The following SERPINA5 variants were observed in gnomAD, a reference collection of about 807,000 sequenced individuals.
SERPINA5 encodes the protein serpin family A member 5.
A neutral mutation model predicts 25.3 loss-of-function variants in SERPINA5; 25 were observed. The ratio of observed to expected loss-of-function variants is 0.99; its 90% CI spans 0.72 to 1.38. The LOEUF (loss-of-function observed/expected upper bound fraction) is 1.38, where lower values mean the gene tolerates loss of function less well. Ranked by LOEUF, SERPINA5 falls within the 40% of genes most tolerant of loss-of-function variation. SERPINA5 has a pLI of 0.00. For missense variants in SERPINA5, 599 were observed against 509.5 expected (o/e 1.18, Z -1.69); for synonymous variants, 234 against 206.2 (o/e 1.14, Z -1.16).
chr14:94,583,613 C>A (rs745569834), intron 2 of SERPINA5, among the ~76,000 whole-genome samples: 3 of 152,208 alleles, frequency 2.0e-5, no homozygotes, highest in Admixed American at 6.5e-5. Context: ...GACTTCACTG[C>A]CCAACACGGG....
intron 2 of SERPINA5, 150 bp from the exon 3 acceptor site, chr14:94,587,196 C>A: frequency 2.8e-6 from 2 of 709,718 alleles, no homozygotes; most frequent in South Asian, 3.8e-5. Context: ...CCTGTGTAAA[C>A]CCTCATGCCC....
At chr14:94,583,971 C>G (rs12880862) in intron 2 of SERPINA5, among the ~76,000 whole-genome samples, 1 of 152,152 alleles carries the variant, frequency 6.6e-6, no homozygotes, top group Non-Finnish European at 1.5e-5. Flanking sequence ...AAAACAAGCA[C>G]TGAGGACTCC....
chr14:94,588,061 T>C, intron 3 of SERPINA5, 80 bp downstream of exon 3: 1 of 1,515,646 alleles, frequency 6.6e-7, no homozygotes, highest in African/African-American at 1.4e-5. Flanking sequence ...TTCCCTCACA[T>C]ACATAAAAGA....
chr14:94,583,986 C>A (rs1256866589), intron 2 of SERPINA5, among the ~76,000 whole-genome samples: 1 of 152,214 alleles, frequency 6.6e-6, no homozygotes, highest in Non-Finnish European at 1.5e-5. Context: ...GACTCCACTG[C>A]CTCTTGAGTG....
At chr14:94,588,874 G>GT (rs1341837295) in intron 3 of SERPINA5, among the ~76,000 whole-genome samples, 1 of 152,134 alleles carries the variant, frequency 6.6e-6, no homozygotes, top group Non-Finnish European at 1.5e-5. Flanking sequence ...GGTCTCTTTT[G>GT]TAAGGACACC....
At chr14:94,589,373 G>C (rs1047750492) in intron 3 of SERPINA5, among the ~76,000 whole-genome samples, 1 of 152,028 alleles carries the variant, frequency 6.6e-6, no homozygotes, top group Non-Finnish European at 1.5e-5. Context: ...ACTTGAACCT[G>C]GGAGGTGGGG....
At chr14:94,589,248 A>G (rs1885196502) in intron 3 of SERPINA5, among the ~76,000 whole-genome samples, 1 of 152,110 alleles carries the variant, frequency 6.6e-6, no homozygotes, top group African/African-American at 2.4e-5. Flanking sequence ...GGAGTTCGAG[A>G]TCAGCCTGGC....
chr14:94,592,534 A>G lies in SERPINA5; in HGVS notation c.*295A>G, dbSNP rs569696042. On this transcript the variant is annotated 3_prime_UTR_variant, in exon 6 of 6. Coordinates refer to ENST00000329597, the MANE Select transcript of SERPINA5 (RefSeq NM_000624.6). ...CAAGTTCACCAGCATGGTAGTGGCA[A>G]AGAGAGGTCCAGAGTCCTGGCCCTT... The G allele has an allele frequency of 6.2e-6, 2 of 323,242 alleles. No homozygotes were observed. The highest frequency in any genetic ancestry group is 9.0e-5 in the South Asian group (2 of 22,110). 20.0% of individuals were successfully genotyped at this position (323,242 alleles called of 1,614,324 possible). A position where few individuals can be genotyped will look rare whatever the true frequency, so the allele number is the denominator to read the frequency against.
intron 2 of SERPINA5, chr14:94,582,202 C>A (rs8004884): frequency 0.3 from 45,029 of 152,110 alleles, 6,934 homozygotes; most frequent in South Asian, 0.34. Context: ...ATAAAGTAAG[C>A]AGAATTTTTA....
intron 2 of SERPINA5, among the ~76,000 whole-genome samples, chr14:94,586,107 G>A (rs1381875509): frequency 2.0e-5 from 3 of 152,136 alleles, no homozygotes; most frequent in Non-Finnish European, 4.4e-5. Flanking sequence ...TAGCCAGATG[G>A]GGAGGCATGG....
chr14:94,587,119 G>T, intron 2 of SERPINA5: 1 of 497,360 alleles, frequency 2.0e-6, no homozygotes, highest in Non-Finnish European at 3.5e-6. Context: ...CCTGCCTTGG[G>T]TCTGCACCTC....
intron 2 of SERPINA5, among the ~76,000 whole-genome samples, chr14:94,584,993 C>T (rs568528609): frequency 1.3e-5 from 2 of 152,262 alleles, no homozygotes; most frequent in Non-Finnish European, 2.9e-5. Context: ...CCAGACTCTG[C>T]TCACTCATTA....
At position 94,592,115 on chromosome 14, in the gene SERPINA5, C is replaced by T. The variant is rs150557947; in HGVS notation, c.1097C>T (p.Thr366Met). 29 of 1,614,012 alleles carry T rather than the reference C, an allele frequency of 1.8e-5. No individual in the cohort carries two copies. In the East Asian group the frequency reaches 2.5e-4, roughly 14 times the overall value. Reference protein sequence around the residue: ...DESGTRAAAATGTIFTFRSAR... With the variant: ...DESGTRAAAAMGTIFTFRSAR... ...TCGGGAACCAGAGCAGCGGCAGCCA[C>T]GGGGACAATATTCACTTTCAGGTCG... Residue 366 changes from threonine to methionine, a missense_variant, in exon 6 of 6, where the codon ACG becomes ATG. By Grantham distance (81) the Thr-to-Met change is moderately conservative. Coordinates refer to ENST00000329597, the MANE Select transcript of SERPINA5 (RefSeq NM_000624.6).
chr14:94,591,200 A>C (rs1393213059), intron 5 of SERPINA5, among the ~76,000 whole-genome samples: 2 of 100,418 alleles, frequency 2.0e-5, no homozygotes, highest in East Asian at 2.9e-4. Flanking sequence ...CTACTCCTCC[A>C]CTCCACATCT....
chr14:94,586,514 T>C (rs76257893), intron 2 of SERPINA5, among the ~76,000 whole-genome samples: 181 of 152,266 alleles, frequency 1.2e-3, no homozygotes, highest in South Asian at 3.1e-3. Context: ...AAGGACGTAG[T>C]CATATTGGGT....
At chr14:94,590,638 C>CT in intron 4 of SERPINA5, 111 bp from the exon 5 acceptor site, 1 of 1,299,998 alleles carries the variant, frequency 7.7e-7, no homozygotes, top group Non-Finnish European at 1.0e-6. Context: ...TTAAGGAGTC[C>CT]TTTTTTAAAA....
intron 4 of SERPINA5, chr14:94,590,548 C>T (rs371114669): frequency 1.5e-5 from 12 of 786,828 alleles, no homozygotes; most frequent in East Asian, 1.4e-4. Context: ...CTCTGGGCAG[C>T]CCACGTCCAA....
chr14:94,586,402 GC>G (rs1275666390), intron 2 of SERPINA5, among the ~76,000 whole-genome samples: 1 of 152,106 alleles, frequency 6.6e-6, no homozygotes. Flanking sequence ...TCCTTCCAAG[GC>G]CCCTCTCCTT....
chr14:94,586,949 G>A (rs2069970), intron 2 of SERPINA5: 19,430 of 167,716 alleles, frequency 0.12, 1,244 homozygotes, highest in African/African-American at 0.16. Context: ...CAGAGTGAAG[G>A]CCAGAAGCTC....
Sources: allele counts gnomAD v4.1 joint callset (sites outside exome capture counted in the v4.1 genomes callset), GRCh38; gene constraint gnomAD v4.1.1; transcripts MANE v1.5; gene names NCBI Gene and HGNC (gene_info 2026-07-23, HGNC 2026-07-21).